L3MBTL4: variants seen among roughly 807,000 people sequenced by gnomAD.
The protein encoded by L3MBTL4 is L3MBTL histone methyl-lysine binding protein 4.
In L3MBTL4, 70 loss-of-function variants were observed where a neutral mutation model predicts 84.5. The ratio of observed to expected loss-of-function variants is 0.83; its 90% confidence interval spans 0.68 to 1.01. The LOEUF is 1.01. L3MBTL4 is among the 50% of genes least tolerant of loss of function. The pLI is 0.00. For missense variants in L3MBTL4, 715 were observed against 754.8 expected (o/e 0.95, Z 0.62); for synonymous variants, 274 against 259.8 (o/e 1.05, Z -0.52).
chr18:6,224,447 T>C (rs2046691464), intron 10 of L3MBTL4, among the ~76,000 whole-genome samples: 1 of 152,198 alleles, frequency 6.6e-6, no homozygotes, highest in Non-Finnish European at 1.5e-5. Flanking sequence ...GTCATCTACC[T>C]TGCCCAACAC....
At chr18:6,391,752 A>AACTACTACTACTACTACT (rs139560897) in intron 1 of L3MBTL4, among the ~76,000 whole-genome samples, 2,545 of 150,090 alleles carry the variant, frequency 0.017, 57 homozygotes, top group African/African-American at 0.045. Flanking sequence ...CAACAACAAC[A>AACTACTACTACTACTACT]ACTACTACTA....
At chr18:6,140,438 G>A (rs1355519692) in intron 13 of L3MBTL4, among the ~76,000 whole-genome samples, 3 of 152,082 alleles carry the variant, frequency 2.0e-5, no homozygotes, top group Admixed American at 2.0e-4. Context: ...GTTCTCCTGG[G>A]AAAAAAATGC....
intron 4 of L3MBTL4, among the ~76,000 whole-genome samples, chr18:6,286,788 C>A (rs1431287699): frequency 6.6e-6 from 1 of 152,164 alleles, no homozygotes. Flanking sequence ...CCCACCCACA[C>A]TGAGTCTCTC....
intron 4 of L3MBTL4, among the ~76,000 whole-genome samples, chr18:6,300,315 T>C (rs905421915): frequency 1.3e-5 from 2 of 152,136 alleles, no homozygotes; most frequent in African/African-American, 2.4e-5. Flanking sequence ...AATCTCAACC[T>C]TTTCCTAAAC....
intron 4 of L3MBTL4, among the ~76,000 whole-genome samples, chr18:6,279,891 C>T (rs967133596): frequency 6.6e-5 from 10 of 152,122 alleles, no homozygotes; most frequent in Non-Finnish European, 1.2e-4. Context: ...AATATAGCTC[C>T]GGTTATTACT....
intron 13 of L3MBTL4, among the ~76,000 whole-genome samples, chr18:6,148,296 T>G (rs1216698509): frequency 6.6e-6 from 1 of 152,244 alleles, no homozygotes; most frequent in African/African-American, 2.4e-5. Context: ...AGAATAGGCC[T>G]TTGTAAAATG....
chr18:6,189,959 A>C (rs1367827314), intron 12 of L3MBTL4, among the ~76,000 whole-genome samples: 1 of 152,214 alleles, frequency 6.6e-6, no homozygotes, highest in Non-Finnish European at 1.5e-5. Flanking sequence ...GGCAGAATCA[A>C]TGTCTGAAGA....
intron 14 of L3MBTL4, among the ~76,000 whole-genome samples, chr18:6,094,541 G>A (rs906262366): frequency 2.0e-5 from 3 of 152,114 alleles, no homozygotes; most frequent in African/African-American, 4.8e-5. Context: ...AGAGGAGCAC[G>A]TGGCCAAATA....
chr18:6,296,341 T>C (rs977291191), intron 4 of L3MBTL4, among the ~76,000 whole-genome samples: 4 of 152,236 alleles, frequency 2.6e-5, no homozygotes, highest in African/African-American at 7.2e-5. Flanking sequence ...GACTTCAGTA[T>C]AGTAAAGGAT....
intron 16 of L3MBTL4, among the ~76,000 whole-genome samples, chr18:6,076,145 AT>A (rs1259760857): frequency 6.6e-6 from 1 of 152,208 alleles, no homozygotes; most frequent in Non-Finnish European, 1.5e-5. Context: ...ATAGATATTT[AT>A]CCTACAAAAA....
chr18:6,377,375 A>G (rs1167380750), intron 1 of L3MBTL4, among the ~76,000 whole-genome samples: 1 of 152,116 alleles, frequency 6.6e-6, no homozygotes, highest in Non-Finnish European at 1.5e-5. Context: ...CAGAAAGTGC[A>G]GTTTTATTAC....
At chr18:6,134,638 T>C (rs2059976908) in intron 14 of L3MBTL4, among the ~76,000 whole-genome samples, 1 of 152,170 alleles carries the variant, frequency 6.6e-6, no homozygotes, top group South Asian at 2.1e-4. Context: ...AGTCAAATTT[T>C]AAAGCTCTCA....
intron 6 of L3MBTL4, among the ~76,000 whole-genome samples, chr18:6,243,884 A>G (rs1218374388): frequency 1.3e-5 from 2 of 152,210 alleles, no homozygotes; most frequent in Non-Finnish European, 2.9e-5. Context: ...CAATAAAGAG[A>G]ATAATAAAAT....
chr18:6,315,745 G>T (rs1670131), intron 1 of L3MBTL4, among the ~76,000 whole-genome samples: 40,836 of 152,094 alleles, frequency 0.27, 7,279 homozygotes, highest in African/African-American at 0.51. Context: ...GACACCAAAC[G>T]TCCTGTGGGA....
rs267605237 is a variant in L3MBTL4 at position 6,171,874 on chromosome 18, C to T, written c.1050G>A (p.Pro350=). The T allele has an allele frequency of 1.5e-5, 23 of 1,555,214 alleles. No individual in the cohort carries two copies. Among genetic ancestry groups the T allele is most frequent in the Non-Finnish European group, 1.8e-5 (21 of 1,148,346 alleles). ...WVEADSPDIH[P]IGWCDVTGHP... Reference sequence around the variant, plus strand: ...GCCCTGTGACATCACACCATCCGATCGGGTGGATATCAGGGCTGTCTGCCT... The same window carrying T: ...GCCCTGTGACATCACACCATCCGATTGGGTGGATATCAGGGCTGTCTGCCT... Residue 350 remains proline (P), a synonymous_variant, in exon 13 of 19, where the codon CCG becomes CCA. Transcript: ENST00000317931.
intron 4 of L3MBTL4, 63 bp from the exon 5 acceptor site, chr18:6,264,101 A>G (rs1316634936): frequency 5.7e-6 from 7 of 1,227,786 alleles, no homozygotes; most frequent in Non-Finnish European, 8.4e-6. Flanking sequence ...AATAAAACTT[A>G]CTTGACAATA....
At chr18:6,367,246 A>G (rs965358845) in intron 1 of L3MBTL4, 1 of 152,286 alleles carries the variant, frequency 6.6e-6, no homozygotes, top group Non-Finnish European at 1.5e-5. Context: ...TGCTATTTTC[A>G]AAACTTACCT....
chr18:6,296,936 T>C (rs952703342), intron 4 of L3MBTL4, among the ~76,000 whole-genome samples: 7 of 152,152 alleles, frequency 4.6e-5, no homozygotes, highest in African/African-American at 1.7e-4. Flanking sequence ...AGGTTGATGA[T>C]GGTGCTACAG....
intron 16 of L3MBTL4, among the ~76,000 whole-genome samples, chr18:6,048,614 T>C (rs1368044616): frequency 1.3e-5 from 2 of 151,776 alleles, no homozygotes; most frequent in African/African-American, 2.4e-5. Flanking sequence ...CTGGCCAACA[T>C]GATGAAACCC....
Sources: gnomAD v4.1 joint callset for allele counts (sites outside exome capture counted in the v4.1 genomes callset) on GRCh38, gnomAD v4.1.1 for gene constraint, MANE v1.5 for transcripts, NCBI Gene and HGNC (gene_info 2026-07-23, HGNC 2026-07-21) for gene names.